CPPED1: variants seen among roughly 807,000 people sequenced by gnomAD.
CPPED1 encodes serine/threonine-protein phosphatase CPPED1.
CPPED1 carries 28 observed loss-of-function variants against 28.0 expected under a neutral mutation model. The observed-to-expected ratio is 1.00, with a 90% CI of 0.74 to 1.37. The LOEUF is 1.37. Ranked by LOEUF, CPPED1 falls within the 40% of genes most tolerant of loss-of-function variation. The probability of loss-of-function intolerance (pLI) is 0.00; values close to 1 mark genes in which losing one functional copy is unlikely to be tolerated. For missense variants in CPPED1, 504 were observed against 416.5 expected (o/e 1.21, Z -1.83); for synonymous variants, 198 against 180.2 (o/e 1.10, Z -0.79).
At chr16:12,750,714 T>C (rs1040948046) in intron 2 of CPPED1, among the ~76,000 whole-genome samples, 2 of 152,244 alleles carry the variant, frequency 1.3e-5, no homozygotes, top group Admixed American at 1.3e-4. Flanking sequence ...CTCACGCCTA[T>C]AGTCCCAGTA....
chr16:12,753,391 G>C (rs1431400622), intron 2 of CPPED1: 2 of 152,176 alleles, frequency 1.3e-5, no homozygotes, highest in Non-Finnish European at 2.9e-5. Context: ...GGCAGGGGTA[G>C]GTCCCGTGCG....
chr16:12,751,141 C>T (rs2080325725), intron 2 of CPPED1, among the ~76,000 whole-genome samples: 1 of 152,076 alleles, frequency 6.6e-6, no homozygotes, highest in Non-Finnish European at 1.5e-5. Flanking sequence ...TAGAGAGATA[C>T]AATCAAAAAC....
intron 3 of CPPED1, among the ~76,000 whole-genome samples, chr16:12,666,065 T>G (rs1300563291): frequency 6.6e-6 from 1 of 152,076 alleles, no homozygotes; most frequent in Non-Finnish European, 1.5e-5. Flanking sequence ...GCAGTGAGCC[T>G]ACATCGTGCC....
intron 3 of CPPED1, among the ~76,000 whole-genome samples, chr16:12,698,517 C>T (rs760730489): frequency 6.6e-6 from 1 of 152,102 alleles, no homozygotes; most frequent in Non-Finnish European, 1.5e-5. Context: ...CCGCAACCTC[C>T]GCCTCCAGGG....
chr16:12,687,529 G>A (rs888449913), intron 3 of CPPED1, among the ~76,000 whole-genome samples: 1 of 152,152 alleles, frequency 6.6e-6, no homozygotes, highest in African/African-American at 2.4e-5. Flanking sequence ...CCAGCACTTT[G>A]GGAGGCTGAG....
chr16:12,781,274 A>G lies in CPPED1; in HGVS notation c.200T>C (p.Leu67Pro). The stretch of plus-strand genomic sequence containing the variant: ...GATGGCCTGGACGGCTTGCTCAGTT[A>G]GACGGATCTCCTGTTCCCATTCGTC... ...GGDEWEQEIR[L>P]TEQAVQAINK... is the part of the protein sequence containing the mutation. The change falls in exon 2 of 4, where the codon CTA (leucine) becomes CCA (proline). Residue 67 changes from leucine to proline, a missense_variant. Leu to Pro is a moderately conservative substitution (Grantham distance 98, BLOSUM62 -3). Transcript: ENST00000381774. 3 of 1,614,168 alleles carry G rather than the reference A, an allele frequency of 1.9e-6. No individual in the cohort carries two copies. Among genetic ancestry groups the G allele is most frequent in the Non-Finnish European group, 2.5e-6 (3 of 1,180,010 alleles).
chr16:12,767,207 T>A (rs956102095), intron 2 of CPPED1, among the ~76,000 whole-genome samples: 1 of 152,100 alleles, frequency 6.6e-6, no homozygotes, highest in African/African-American at 2.4e-5. Flanking sequence ...AAACTGATGG[T>A]GTTAGTGCTG....
intron 2 of CPPED1, among the ~76,000 whole-genome samples, chr16:12,751,118 T>C (rs944286683): frequency 2.6e-5 from 4 of 152,040 alleles, no homozygotes; most frequent in African/African-American, 9.7e-5. Context: ...AAGGTATGCC[T>C]GTAATAAAAA....
chr16:12,765,066 G>A (rs1164281799), intron 2 of CPPED1, among the ~76,000 whole-genome samples: 1 of 152,168 alleles, frequency 6.6e-6, no homozygotes, highest in African/African-American at 2.4e-5. Flanking sequence ...TAAGAAGTCT[G>A]GAGTGGAACT....
intron 3 of CPPED1, among the ~76,000 whole-genome samples, chr16:12,689,482 G>A (rs1395291406): frequency 6.6e-6 from 1 of 151,528 alleles, no homozygotes; most frequent in East Asian, 1.9e-4. Flanking sequence ...CTCCCACCTT[G>A]GCCTCCCAAA....
Position 12,757,042 on chromosome 16 carries a change from G to A in CPPED1, c.289+24143C>T, listed in dbSNP as rs911065688. On this transcript the variant is annotated intron_variant, in intron 2 of 3. Coordinates refer to ENST00000381774, the MANE Select transcript of CPPED1 (RefSeq NM_018340.3). ...GTAGGACCCTATTATAGCACCTCGA[G>A]GTGACCAACTAAGTTATAGCACCTC... Among the ~76,000 whole-genome samples the A allele has an allele frequency of 4.4e-4, 67 of 152,012 alleles. 1 individual carries two copies. Among genetic ancestry groups the A allele is most frequent in the African/African-American group, 1.5e-3 (62 of 41,358 alleles).
chr16:12,686,686 T>C (rs779445488), intron 3 of CPPED1, among the ~76,000 whole-genome samples: 23 of 152,176 alleles, frequency 1.5e-4, no homozygotes, highest in South Asian at 1.0e-3. Flanking sequence ...GGCCCATGTC[T>C]GTATGACAAC....
At chr16:12,723,356 C>T (rs2141199780) in intron 2 of CPPED1, among the ~76,000 whole-genome samples, 1 of 152,288 alleles carries the variant, frequency 6.6e-6, no homozygotes, top group East Asian at 1.9e-4. Context: ...GAAGTCCTGA[C>T]CCCAGTACCT....
intron 1 of CPPED1, among the ~76,000 whole-genome samples, chr16:12,790,706 G>A (rs1382136503): frequency 1.3e-5 from 2 of 151,826 alleles, no homozygotes; most frequent in Non-Finnish European, 1.5e-5. Flanking sequence ...GGCGGGGGTT[G>A]GATCATGAGG....
At chr16:12,765,388 T>C (rs923170488) in intron 2 of CPPED1, among the ~76,000 whole-genome samples, 3 of 152,246 alleles carry the variant, frequency 2.0e-5, no homozygotes, top group African/African-American at 7.2e-5. Flanking sequence ...TAGATATTTA[T>C]AGCAACTCTT....
chr16:12,728,733 A>G (rs2080182264), intron 2 of CPPED1, among the ~76,000 whole-genome samples: 1 of 152,184 alleles, frequency 6.6e-6, no homozygotes, highest in Admixed American at 6.5e-5. Flanking sequence ...AATGAGTACA[A>G]CGACATCAAA....
At chr16:12,713,104 TAA>T (rs5815714) in intron 2 of CPPED1, among the ~76,000 whole-genome samples, 1 of 150,264 alleles carries the variant, frequency 6.7e-6, no homozygotes, top group Non-Finnish European at 1.5e-5. Flanking sequence ...AATAAGTTCT[TAA>T]AAAAAAAAAT....
chr16:12,792,922 G>A (rs573851813), intron 1 of CPPED1, among the ~76,000 whole-genome samples: 3 of 152,136 alleles, frequency 2.0e-5, no homozygotes, highest in East Asian at 3.9e-4. Flanking sequence ...GCATGAGAAC[G>A]GATTAGTACA....
intron 2 of CPPED1, among the ~76,000 whole-genome samples, chr16:12,711,511 C>A (rs544146810): frequency 1.3e-5 from 2 of 152,162 alleles, no homozygotes; most frequent in South Asian, 2.1e-4. Flanking sequence ...TTCTGCCATG[C>A]TAAAAGAAAA....
Sources: allele counts gnomAD v4.1 joint callset (sites outside exome capture counted in the v4.1 genomes callset), GRCh38; gene constraint gnomAD v4.1.1; transcripts MANE v1.5; gene names NCBI Gene and HGNC (gene_info 2026-07-23, HGNC 2026-07-21).